Variants in MCC observed in about 807,000 individuals in gnomAD.
MCC encodes MCC regulator of Wnt signaling pathway.
MCC carries 90 observed loss-of-function variants against 116.2 expected under a neutral mutation model. The ratio of observed to expected loss-of-function variants is 0.77; its 90% CI spans 0.65 to 0.92. The LOEUF is 0.92. MCC is among the 40% of genes least tolerant of loss of function. MCC has a pLI of 0.00. For missense variants in MCC, 1,516 were observed against 1,312.2 expected, an observed-to-expected ratio of 1.16 and a Z score of -2.40; for synonymous variants, 578 against 510.5, an observed-to-expected ratio of 1.13 and a Z score of -1.78.
At position 113,151,437 on chromosome 5, in the gene MCC, A is replaced by T. The variant is rs746051953; in HGVS notation, c.628-15T>A. 9 of 1,455,378 alleles carry T rather than the reference A, an allele frequency of 6.2e-6. No individual in the cohort carries two copies. The highest frequency in any genetic ancestry group is 8.7e-6 in the Non-Finnish European group (9 of 1,039,684). The allele number at this position is 1,455,378 out of a possible 1,614,324, so 90.2% of individuals were successfully genotyped here. A position where few individuals can be genotyped will look rare whatever the true frequency, so the allele number is the denominator to read the frequency against. ...GCTGAATGGAGCTGTGGTGACAGAA[A>T]GGAGGAGATTAGAGTATTGTAGCAG... On this transcript the variant is annotated splice_polypyrimidine_tract_variant and intron_variant, in intron 3 of 18. Transcript: ENST00000408903.
intron 14 of MCC, among the ~76,000 whole-genome samples, chr5:113,062,690 C>G (rs1420534364): frequency 6.6e-6 from 1 of 152,228 alleles, no homozygotes; most frequent in Non-Finnish European, 1.5e-5. Flanking sequence ...AAATTATAAT[C>G]TGTGCTTCAC....
intron 10 of MCC, among the ~76,000 whole-genome samples, chr5:113,083,792 G>T (rs552377574): frequency 6.6e-6 from 1 of 152,110 alleles, no homozygotes; most frequent in East Asian, 1.9e-4. Context: ...GGGGTAGCAG[G>T]GTGATATAAG....
intron 2 of MCC, among the ~76,000 whole-genome samples, chr5:113,376,665 A>C (rs998019313): frequency 4.2e-5 from 4 of 94,818 alleles, no homozygotes; most frequent in Admixed American, 9.9e-5. Flanking sequence ...TACACATAAA[A>C]AGAAAACTTC....
At chr5:113,104,053 G>A (rs1177875046) in intron 7 of MCC, 139 bp downstream of exon 7, 8 of 835,322 alleles carry the variant, frequency 9.6e-6, no homozygotes, top group Non-Finnish European at 1.4e-5. Context: ...CTTCTACACC[G>A]TGGCTCAATC....
intron 8 of MCC, among the ~76,000 whole-genome samples, chr5:113,089,311 A>G (rs936944265): frequency 6.6e-6 from 1 of 152,230 alleles, no homozygotes; most frequent in Non-Finnish European, 1.5e-5. Flanking sequence ...ACAAGCAAAT[A>G]AAGAGGAAAA....
chr5:113,404,824 A>G (rs1769787129), intron 1 of MCC, among the ~76,000 whole-genome samples: 1 of 152,156 alleles, frequency 6.6e-6, no homozygotes, highest in African/African-American at 2.4e-5. Flanking sequence ...AGTTAAAAAA[A>G]AAGGCAGGTG....
At chr5:113,474,851 GT>G (rs780739414) in intron 1 of MCC, among the ~76,000 whole-genome samples, 4 of 152,152 alleles carry the variant, frequency 2.6e-5, no homozygotes, top group Non-Finnish European at 4.4e-5. Flanking sequence ...CTTTCATCCT[GT>G]TTATTACTGT....
chr5:113,282,505 C>T (rs967851824), intron 3 of MCC, among the ~76,000 whole-genome samples: 5 of 152,168 alleles, frequency 3.3e-5, no homozygotes, highest in African/African-American at 4.8e-5. Context: ...CTGCTCCCTG[C>T]TTCCATCAGA....
chr5:113,358,663 C>A (rs544307482), intron 2 of MCC, among the ~76,000 whole-genome samples: 3 of 152,130 alleles, frequency 2.0e-5, no homozygotes, highest in African/African-American at 7.2e-5. Context: ...GAAGCAGCTA[C>A]CTTTATGAAT....
At chr5:113,288,600 A>AT (rs2150360132) in intron 3 of MCC, among the ~76,000 whole-genome samples, 2 of 152,316 alleles carry the variant, frequency 1.3e-5, no homozygotes, top group East Asian at 3.9e-4. Context: ...ATATCATTTC[A>AT]TTTTTATCAA....
Position 113,027,595 on chromosome 5 carries a change from C to T in MCC, c.2880-113G>A, listed in dbSNP as rs1474370291. 7 of 956,300 alleles carry T rather than the reference C, an allele frequency of 7.3e-6. No homozygotes were observed. The East Asian group carries it at 1.7e-4, about 23-fold the overall frequency. 59.2% of individuals were successfully genotyped at this position (956,300 alleles called of 1,614,324 possible). A position where few individuals can be genotyped will look rare whatever the true frequency, so the allele number is the denominator to read the frequency against. On this transcript the variant is annotated intron_variant, in intron 18 of 18. Transcript: ENST00000408903. ...TGAGCACTGCTCTGAAGAAAGATCA[C>T]TCATCCTCTTCGGTAAGAATCTGAA... is the stretch of plus-strand genomic sequence containing the variant.
chr5:113,147,720 G>A (rs1321550070), intron 4 of MCC, among the ~76,000 whole-genome samples: 1 of 152,074 alleles, frequency 6.6e-6, no homozygotes, highest in Non-Finnish European at 1.5e-5. Context: ...AAACAAAGAG[G>A]CACCAGCACA....
chr5:113,427,034 T>C (rs539242847), intron 1 of MCC, among the ~76,000 whole-genome samples: 14 of 152,282 alleles, frequency 9.2e-5, no homozygotes, highest in African/African-American at 2.9e-4. Flanking sequence ...CACATCCTAA[T>C]TGATATATTT....
chr5:113,438,981 T>A (rs1770950053), intron 1 of MCC, among the ~76,000 whole-genome samples: 1 of 152,188 alleles, frequency 6.6e-6, no homozygotes, highest in South Asian at 2.1e-4. Flanking sequence ...ATCCCCTGGC[T>A]GGGAGGTCAC....
At chr5:113,448,254 T>C (rs1352265990) in intron 1 of MCC, 1 of 152,222 alleles carries the variant, frequency 6.6e-6, no homozygotes. Context: ...AATCAGTCTT[T>C]GCCTCTCCAT....
chr5:113,117,014 C>T (rs981536356), intron 6 of MCC, among the ~76,000 whole-genome samples: 3 of 152,230 alleles, frequency 2.0e-5, no homozygotes, highest in Admixed American at 1.3e-4. Context: ...ACTTTCAGTC[C>T]GGTCTAACCC....
chr5:113,155,440 G>A (rs945374265), intron 3 of MCC, among the ~76,000 whole-genome samples: 4 of 152,074 alleles, frequency 2.6e-5, no homozygotes, highest in Admixed American at 1.3e-4. Context: ...CTATTTTAAG[G>A]GTTTTTTTAG....
intron 1 of MCC, among the ~76,000 whole-genome samples, chr5:113,470,182 T>A (rs974935313): frequency 4.6e-5 from 7 of 152,168 alleles, no homozygotes; most frequent in African/African-American, 1.7e-4. Flanking sequence ...CCCATTTACA[T>A]TTAAAGTTAA....
At chr5:113,105,909 G>A (rs1168311781) in intron 6 of MCC, among the ~76,000 whole-genome samples, 1 of 152,168 alleles carries the variant, frequency 6.6e-6, no homozygotes, top group African/African-American at 2.4e-5. Flanking sequence ...CAAGACTGAT[G>A]TGCTCAGTTC....
Sources: gnomAD v4.1 joint callset for allele counts (sites outside exome capture counted in the v4.1 genomes callset) on GRCh38, gnomAD v4.1.1 for gene constraint, MANE v1.5 for transcripts, NCBI Gene and HGNC (gene_info 2026-07-23, HGNC 2026-07-21) for gene names.